Variants in CHPT1 observed in about 807,000 individuals in gnomAD.
CHPT1 encodes the protein cholinephosphotransferase 1.
Under a neutral mutation model 47.6 loss-of-function variants are expected in CHPT1, and 36 were observed. That is an observed-to-expected ratio of 0.76 (90% CI 0.58 to 1.00). The LOEUF (loss-of-function observed/expected upper bound fraction) is 1.00. Ranked by LOEUF, CHPT1 falls within the 50% of genes least tolerant of loss-of-function variation. The probability of loss-of-function intolerance (pLI) is 0.00; values close to 1 mark genes in which losing one functional copy is unlikely to be tolerated. For synonymous variants in CHPT1, 194 were observed against 186.3 expected, an observed-to-expected ratio of 1.04 and a Z score of -0.33; for missense variants, 458 against 498.1, an observed-to-expected ratio of 0.92 and a Z score of 0.77.
At chr12:101,699,730 A>G (rs1390816822) in intron 1 of CHPT1, among the ~76,000 whole-genome samples, 2 of 152,128 alleles carry the variant, frequency 1.3e-5, no homozygotes, top group Admixed American at 6.5e-5. Flanking sequence ...GTCATTTGCC[A>G]TTGCTATTCA....
At chr12:101,705,973 G>C (rs867388276) in intron 1 of CHPT1, among the ~76,000 whole-genome samples, 1 of 151,818 alleles carries the variant, frequency 6.6e-6, no homozygotes, top group African/African-American at 2.4e-5. Context: ...TGATCTGCCC[G>C]CCTCAGCCTT....
At chr12:101,722,707 T>TAAAAAAAAAAAAAAAAAAA (rs10605402) in intron 5 of CHPT1, among the ~76,000 whole-genome samples, 1 of 113,760 alleles carries the variant, frequency 8.8e-6, no homozygotes, top group Admixed American at 9.2e-5. Context: ...CACAAAAAAT[T>TAAAAAAAAAAAAAAAAAAA]AAAAAAAAAA....
At chr12:101,700,305 T>G (rs1951534231) in intron 1 of CHPT1, among the ~76,000 whole-genome samples, 1 of 146,712 alleles carries the variant, frequency 6.8e-6, no homozygotes. Context: ...TAATTAGTTT[T>G]TAGGATCAGC....
intron 2 of CHPT1, 122 bp from the exon 3 acceptor site, chr12:101,714,382 A>G: frequency 8.6e-7 from 1 of 1,160,846 alleles, no homozygotes; most frequent in Admixed American, 3.0e-5. Context: ...CATTTTGATA[A>G]GTGTACTTTA....
intron 1 of CHPT1, among the ~76,000 whole-genome samples, chr12:101,703,908 G>GA (rs1037313581): frequency 8.0e-5 from 12 of 149,302 alleles, no homozygotes; most frequent in East Asian, 7.8e-4. Context: ...ATAATGAAAT[G>GA]AAAAAAAAAA....
chr12:101,697,943 C>G lies in CHPT1; in HGVS notation c.82C>G (p.Arg28Gly). The change falls in exon 1 of 9, where the codon CGA (arginine) becomes GGA (glycine). Residue 28 changes from arginine (R) to glycine (G), a missense_variant. Physicochemically the swap from Arg to Gly is moderately radical, Grantham distance 125. Transcript: ENST00000229266. ...SEPLSAAQLR[R>G]LEEHRYSAAG... Reference sequence around the variant, plus strand: ...GCCGCTGAGCGCGGCGCAGCTGCGGCGACTGGAGGAGCACCGCTACAGCGC... The same window carrying G: ...GCCGCTGAGCGCGGCGCAGCTGCGGGGACTGGAGGAGCACCGCTACAGCGC... The G allele has an allele frequency of 1.3e-6, 2 of 1,523,650 alleles. No homozygotes were observed. Among genetic ancestry groups the G allele is most frequent in the South Asian group, 1.2e-5 (1 of 83,024 alleles). 94.4% of individuals were successfully genotyped at this position (1,523,650 alleles called of 1,614,324 possible). A position where few individuals can be genotyped will look rare whatever the true frequency, so the allele number is the denominator to read the frequency against.
chr12:101,705,090 T>TTTTG lies in CHPT1; in HGVS notation c.273+6976_273+6979dup, dbSNP rs992919773. 2.8e-4 allele frequency among the ~76,000 whole-genome samples: 35 copies of TTTTG among 122,878 alleles called. 1 individual carries two copies. Among genetic ancestry groups the TTTTG allele is most frequent in the Middle Eastern group, 3.6e-3 (1 of 274 alleles). The allele number at this position is 122,878 out of a possible 152,430, so 80.6% of individuals were successfully genotyped here. A position where few individuals can be genotyped will look rare whatever the true frequency, so the allele number is the denominator to read the frequency against. On this transcript the variant is annotated intron_variant, in intron 1 of 8. Coordinates refer to ENST00000229266, the MANE Select transcript of CHPT1 (RefSeq NM_020244.3). Reference sequence around the variant, plus strand: ...ATGTATTCTTCCCATTGCTTTTTTGTTTTGTTTGTTTGTTTGTTTGTTTTT... The same window carrying TTTTG: ...ATGTATTCTTCCCATTGCTTTTTTGTTTTGTTTGTTTGTTTGTTTGTTTGTTTTT...
At chr12:101,723,965 C>G in intron 7 of CHPT1, 118 bp downstream of exon 7, 1 of 741,834 alleles carries the variant, frequency 1.3e-6, no homozygotes, top group Non-Finnish European at 2.1e-6. Context: ...GCCTGTAATC[C>G]CAGCACTTTG....
At chr12:101,726,257 C>T in intron 7 of CHPT1, 37 bp from the exon 8 acceptor site, 1 of 1,357,358 alleles carries the variant, frequency 7.4e-7, no homozygotes. Flanking sequence ...AAAGATAGAT[C>T]ATAATCGATT....
Position 101,714,502 on chromosome 12 carries a change from A to C in CHPT1, c.422-2A>C. The stretch of plus-strand genomic sequence containing the variant: ...ATGATTCTTAAACTTTGTTTCTTTC[A>C]GTATTTATGGCAGTGGGAGCTTCAA... On this transcript the variant is annotated splice_acceptor_variant, in intron 2 of 8. Coordinates refer to ENST00000229266, the MANE Select transcript of CHPT1 (RefSeq NM_020244.3). LOFTEE classifies it high-confidence loss of function. The C allele has an allele frequency of 6.3e-7, 1 of 1,590,558 alleles. No homozygotes were observed. Among genetic ancestry groups the C allele is most frequent in the Non-Finnish European group, 8.5e-7 (1 of 1,173,176 alleles).
At chr12:101,725,218 A>G (rs916521996) in intron 7 of CHPT1, among the ~76,000 whole-genome samples, 1 of 152,118 alleles carries the variant, frequency 6.6e-6, no homozygotes, top group African/African-American at 2.4e-5. Context: ...ATATTCATTC[A>G]TAGTCCATTC....
intron 8 of CHPT1, chr12:101,727,527 T>G (rs1285837796): frequency 6.7e-6 from 1 of 150,128 alleles, no homozygotes; most frequent in Non-Finnish European, 1.5e-5. Context: ...ATTTGTGTAC[T>G]ACATCTGTTT....
chr12:101,714,358 G>A, intron 2 of CHPT1, 121 bp downstream of exon 2: 2 of 1,191,032 alleles, frequency 1.7e-6, no homozygotes, highest in Admixed American at 2.7e-5. Flanking sequence ...TGTTTAAAAA[G>A]TATGTCAAGA....
At position 101,716,768 on chromosome 12, in the gene CHPT1, T is replaced by A. The variant is rs759936738; in HGVS notation, c.604T>A (p.Phe202Ile). ...AATTCAGATAGCTTTAGTGATTGTC[T>A]TTGTGTTGTCTGCATTTGGAGGAGC... ...TEIQIALVIV[F>I]VLSAFGGATM... Residue 202 changes from phenylalanine to isoleucine, a missense_variant, in exon 4 of 9, where the codon TTT (phenylalanine) becomes ATT (isoleucine). Phe to Ile is a conservative substitution (Grantham distance 21). Coordinates refer to ENST00000229266, the MANE Select transcript of CHPT1 (RefSeq NM_020244.3). 1 of 1,609,004 alleles carries A rather than the reference T, an allele frequency of 6.2e-7. No individual in the cohort carries two copies. Among genetic ancestry groups the A allele is most frequent in the South Asian group, 1.1e-5 (1 of 90,232 alleles).
chr12:101,711,035 A>T (rs1951695976), intron 1 of CHPT1, among the ~76,000 whole-genome samples: 1 of 148,688 alleles, frequency 6.7e-6, no homozygotes, highest in Non-Finnish European at 1.5e-5. Flanking sequence ...AAGAGGACAC[A>T]ATGGGGAAAG....
intron 1 of CHPT1, among the ~76,000 whole-genome samples, chr12:101,713,619 GTTTTT>G (rs1951724304): frequency 6.6e-6 from 1 of 151,570 alleles, no homozygotes; most frequent in Non-Finnish European, 1.5e-5. Context: ...TTTGAAAACT[GTTTTT>G]TGTTTTTTGT....
chr12:101,697,966 C>T lies in CHPT1; in HGVS notation c.105C>T (p.Ser35=). The change falls in exon 1 of 9, where the codon AGC becomes AGT. Residue 35 remains serine, a synonymous_variant. Coordinates refer to ENST00000229266, the MANE Select transcript of CHPT1 (RefSeq NM_020244.3). ...GGCGACTGGAGGAGCACCGCTACAG[C>T]GCGGCGGGCGTCTCGCTGCTCGAGC... The part of the protein sequence containing the change: ...QLRRLEEHRY[S]AAGVSLLEPP... The T allele has an allele frequency of 6.7e-7, 1 of 1,498,680 alleles. No homozygotes were observed. Among genetic ancestry groups the T allele is most frequent in the East Asian group, 2.8e-5 (1 of 36,054 alleles). The allele number at this position is 1,498,680 out of a possible 1,614,324, so 92.8% of individuals were successfully genotyped here. A position where few individuals can be genotyped will look rare whatever the true frequency, so the allele number is the denominator to read the frequency against.
chr12:101,726,193 A>G, intron 7 of CHPT1, 101 bp from the exon 8 acceptor site: 1 of 772,552 alleles, frequency 1.3e-6, no homozygotes, highest in East Asian at 2.6e-5. Flanking sequence ...TTGGTGAAGA[A>G]TTTTAGGTTA....
intron 1 of CHPT1, among the ~76,000 whole-genome samples, chr12:101,712,231 G>A (rs919043945): frequency 6.8e-6 from 1 of 148,028 alleles, no homozygotes; most frequent in African/African-American, 2.4e-5. Flanking sequence ...ATGTTGCCCA[G>A]GCTGGTCTTG....
Sources: allele counts gnomAD v4.1 joint callset (sites outside exome capture counted in the v4.1 genomes callset), GRCh38; gene constraint gnomAD v4.1.1; transcripts MANE v1.5; gene names NCBI Gene and HGNC (gene_info 2026-07-23, HGNC 2026-07-21).